Variants in IFT80 observed in about 807,000 individuals in gnomAD.
IFT80 encodes intraflagellar transport protein 80 homolog.
In IFT80, 79 loss-of-function variants were observed where a neutral mutation model predicts 107.9. That is an observed-to-expected ratio of 0.73 (90% CI 0.61 to 0.88). The LOEUF (loss-of-function observed/expected upper bound fraction) is 0.88, where lower values mean the gene tolerates loss of function less well. Among genes scored for constraint, IFT80 ranks in the 40% least tolerant of loss-of-function variants. IFT80 has a pLI of 0.00. For synonymous variants in IFT80, 299 were observed against 300.9 expected, an observed-to-expected ratio of 0.99 and a Z score of 0.07; for missense variants, 797 against 914.2, an observed-to-expected ratio of 0.87 and a Z score of 1.65.
chr3:160,300,632 T>C (rs1716346564), intron 12 of IFT80, among the ~76,000 whole-genome samples: 1 of 152,146 alleles, frequency 6.6e-6, no homozygotes, highest in Non-Finnish European at 1.5e-5. Flanking sequence ...CTACTGAATA[T>C]ATAAAGATTT....
At chr3:160,320,862 T>C (rs1380977159) in intron 8 of IFT80, among the ~76,000 whole-genome samples, 1 of 151,850 alleles carries the variant, frequency 6.6e-6, no homozygotes, top group African/African-American at 2.4e-5. Context: ...TCTAGGGGAA[T>C]GGAAAAATAT....
At chr3:160,383,640 TC>T in intron 2 of IFT80, 1 of 980,478 alleles carries the variant, frequency 1.0e-6, no homozygotes, top group South Asian at 4.7e-5. Context: ...ATTTACCTAT[TC>T]TTTCACAGAC....
chr3:160,353,982 TTA>T lies in IFT80; in HGVS notation c.777+2029_777+2030del, dbSNP rs372995170. Among the ~76,000 whole-genome samples the T allele has an allele frequency of 2.7e-3, 404 of 152,260 alleles. 1 individual carries two copies. Among genetic ancestry groups the T allele is most frequent in the South Asian group, 5.0e-3 (24 of 4,830 alleles). On this transcript the variant is annotated intron_variant, in intron 8 of 19. Coordinates refer to ENST00000326448, the MANE Select transcript of IFT80 (RefSeq NM_020800.3). ...TTTTAATCAAAATGACAAAATAAAA[TTA>T]TGTTTAAATTGGCTTATTAATAAAT...
intron 1 of IFT80, among the ~76,000 whole-genome samples, chr3:160,387,099 G>A (rs1712994608): frequency 6.6e-6 from 1 of 152,206 alleles, no homozygotes; most frequent in Non-Finnish European, 1.5e-5. Context: ...AGAAATGAAA[G>A]TGACTTAGAT....
intron 8 of IFT80, among the ~76,000 whole-genome samples, chr3:160,351,622 ATAG>A (rs1720713707): frequency 6.8e-6 from 1 of 147,774 alleles, no homozygotes; most frequent in Non-Finnish European, 1.5e-5. Context: ...TATTATATAT[ATAG>A]TATATATAGA....
At chr3:160,356,236 A>C in intron 7 of IFT80, 86 bp from the exon 8 acceptor site, 1 of 1,184,594 alleles carries the variant, frequency 8.4e-7, no homozygotes, top group Non-Finnish European at 1.2e-6. Flanking sequence ...TAAAATAAAA[A>C]TGTTTTATAA....
intron 12 of IFT80, among the ~76,000 whole-genome samples, chr3:160,293,345 G>C (rs1576763858): frequency 6.6e-6 from 1 of 152,168 alleles, no homozygotes; most frequent in Admixed American, 6.5e-5. Context: ...ATGACTAGTA[G>C]AACTCTAGTA....
chr3:160,375,532 G>T, intron 5 of IFT80, among the ~76,000 whole-genome samples: 1 of 151,914 alleles, frequency 6.6e-6, no homozygotes, highest in East Asian at 1.9e-4. Flanking sequence ...ATTATTTTTT[G>T]AAAATATTTA....
chr3:160,365,403 G>A (rs1721796697), intron 6 of IFT80, among the ~76,000 whole-genome samples: 2 of 152,054 alleles, frequency 1.3e-5, no homozygotes, highest in African/African-American at 2.4e-5. Flanking sequence ...CTACTCAACT[G>A]TGAAAACACT....
At chr3:160,346,551 A>C (rs181936331) in intron 8 of IFT80, among the ~76,000 whole-genome samples, 4 of 152,236 alleles carry the variant, frequency 2.6e-5, no homozygotes, top group East Asian at 1.9e-4. Context: ...GATGTTTTTA[A>C]TATCATAATG....
At chr3:160,372,751 G>A (rs1711626110) in intron 5 of IFT80, among the ~76,000 whole-genome samples, 1 of 152,048 alleles carries the variant, frequency 6.6e-6, no homozygotes, top group Non-Finnish European at 1.5e-5. Flanking sequence ...TCATTTCAAA[G>A]TCATTTGATA....
chr3:160,309,646 C>G (rs1035743804), intron 9 of IFT80, among the ~76,000 whole-genome samples: 1 of 151,948 alleles, frequency 6.6e-6, no homozygotes, highest in African/African-American at 2.4e-5. Context: ...GAGATTGTGC[C>G]ACTGCGCTCC....
intron 19 of IFT80, among the ~76,000 whole-genome samples, chr3:160,266,751 G>C (rs1713364241): frequency 6.6e-6 from 1 of 152,064 alleles, no homozygotes; most frequent in African/African-American, 2.4e-5. Flanking sequence ...ATGGCGAGGA[G>C]GAAAAAGCAG....
At chr3:160,292,418 G>A (rs1053683679) in intron 12 of IFT80, among the ~76,000 whole-genome samples, 2 of 150,788 alleles carry the variant, frequency 1.3e-5, no homozygotes, top group Admixed American at 6.6e-5. Flanking sequence ...ACCAGCATGA[G>A]TATGGATTCA....
chr3:160,361,608 T>C (rs1721496770), intron 6 of IFT80, among the ~76,000 whole-genome samples: 10 of 152,132 alleles, frequency 6.6e-5, no homozygotes, highest in Admixed American at 6.6e-4. Flanking sequence ...TATTCCAAAA[T>C]TGACCGCATA....
chr3:160,257,735 T>C lies in IFT80; in HGVS notation c.*790A>G, dbSNP rs1218422970. 1 of 152,212 alleles carries C rather than the reference T, an allele frequency of 6.6e-6. No individual in the cohort carries two copies. Among genetic ancestry groups the C allele is most frequent in the African/African-American group, 2.4e-5 (1 of 41,448 alleles). 9.4% of individuals were successfully genotyped at this position (152,212 alleles called of 1,614,324 possible). On this transcript the variant is annotated 3_prime_UTR_variant, in exon 20 of 20. Coordinates refer to ENST00000326448, the MANE Select transcript of IFT80 (RefSeq NM_020800.3). ...TTCATCCCAAACAGAAACTATGTAC[T>C]CGTTAAACAATAACCCCACCCCCCA...
intron 6 of IFT80, among the ~76,000 whole-genome samples, chr3:160,359,324 T>G (rs1479267440): frequency 2.6e-5 from 4 of 152,228 alleles, no homozygotes; most frequent in Non-Finnish European, 5.9e-5. Flanking sequence ...TTCCTGAGTT[T>G]CATTTCTATA....
At chr3:160,304,633 C>T (rs1716703626) in intron 10 of IFT80, among the ~76,000 whole-genome samples, 1 of 151,942 alleles carries the variant, frequency 6.6e-6, no homozygotes, top group Admixed American at 6.6e-5. Context: ...GGCAGGGTTT[C>T]ACCGTGTTAG....
intron 1 of IFT80, among the ~76,000 whole-genome samples, chr3:160,396,518 T>C (rs1301908796): frequency 6.6e-6 from 1 of 152,140 alleles, no homozygotes; most frequent in African/African-American, 2.4e-5. Context: ...GAACTGAAAA[T>C]GAAGATTTTA....
Sources: gnomAD v4.1 joint callset for allele counts (sites outside exome capture counted in the v4.1 genomes callset) on GRCh38, gnomAD v4.1.1 for gene constraint, MANE v1.5 for transcripts, NCBI Gene and HGNC (gene_info 2026-07-23, HGNC 2026-07-21) for gene names.